The following GLG1 variants were observed in gnomAD, a reference collection of about 807,000 sequenced individuals.
The protein encoded by GLG1 is golgi glycoprotein 1.
A neutral mutation model predicts 160.5 loss-of-function variants in GLG1; 38 were observed. The observed-to-expected ratio is 0.24, with a 90% CI of 0.18 to 0.31. GLG1 has a LOEUF of 0.31. Ranked by LOEUF, GLG1 falls within the 10% of genes least tolerant of loss-of-function variation. The pLI is 1.00. For synonymous variants in GLG1, 644 were observed against 543.4 expected (o/e 1.19, Z -2.57); for missense variants, 1,373 against 1,505.2 (o/e 0.91, Z 1.45).
At position 74,579,597 on chromosome 16, in the gene GLG1, C is replaced by T. The variant is rs553236050; in HGVS notation, c.438+27060G>A. On this transcript the variant is annotated intron_variant, in intron 1 of 25. Transcript: ENST00000422840. ...GTTAGCCAGGTGTAGTGGCACACAC[C>T]TGTAGTCCCAGCTACTAGGGAGGCT... 5.9e-5 allele frequency among the ~76,000 whole-genome samples: 9 copies of T among 152,094 alleles called. No individual in the cohort carries two copies. In the East Asian group the frequency reaches 9.7e-4, roughly 16 times the overall value.
chr16:74,488,153 C>G (rs2015857667), intron 8 of GLG1, among the ~76,000 whole-genome samples: 1 of 151,982 alleles, frequency 6.6e-6, no homozygotes, highest in Non-Finnish European at 1.5e-5. Flanking sequence ...TGAGAAATCA[C>G]TAAATCAATC....
chr16:74,599,856 T>A (rs1480384445), intron 1 of GLG1, among the ~76,000 whole-genome samples: 2 of 149,746 alleles, frequency 1.3e-5, no homozygotes, highest in Non-Finnish European at 3.0e-5. Flanking sequence ...AGAGCTAGAC[T>A]CTGTCTCAAA....
intron 4 of GLG1, among the ~76,000 whole-genome samples, chr16:74,501,228 G>C (rs1164922037): frequency 2.0e-5 from 3 of 152,198 alleles, no homozygotes; most frequent in African/African-American, 7.2e-5. Flanking sequence ...AAATTTGGCT[G>C]TAGTACAGAG....
chr16:74,522,542 C>T (rs145839814), intron 2 of GLG1, among the ~76,000 whole-genome samples: 3 of 152,304 alleles, frequency 2.0e-5, no homozygotes, highest in Non-Finnish European at 4.4e-5. Flanking sequence ...AAGTATCTTA[C>T]ATATTTTTTT....
rs759855322 is a variant in GLG1, at chr16:74,457,567, C to T, written c.3265+307G>A. Among the ~76,000 whole-genome samples, 6 of 152,112 alleles carry T rather than the reference C, an allele frequency of 3.9e-5. 1 individual carries two copies. The highest frequency in any genetic ancestry group is 5.9e-5 in the Non-Finnish European group (4 of 68,018). ...TGAAGCTGGCTTCTAGTTTCGGCAC[C>T]AGGAAAAGGACCATGATGATGACTT... is the stretch of plus-strand genomic sequence containing the variant. On this transcript the variant is annotated intron_variant, in intron 24 of 25. Transcript: ENST00000422840.
At chr16:74,481,254 T>C (rs1197116694) in intron 10 of GLG1, among the ~76,000 whole-genome samples, 7 of 152,178 alleles carry the variant, frequency 4.6e-5, no homozygotes, top group Non-Finnish European at 1.0e-4. Context: ...TGAGTGTGCT[T>C]ATCAATTTAT....
At chr16:74,571,306 A>C (rs2018819926) in intron 1 of GLG1, among the ~76,000 whole-genome samples, 1 of 152,166 alleles carries the variant, frequency 6.6e-6, no homozygotes, top group Non-Finnish European at 1.5e-5. Flanking sequence ...CAGAGAGATA[A>C]GGGATCCCAT....
At chr16:74,460,557 A>C (rs916055718) in intron 22 of GLG1, among the ~76,000 whole-genome samples, 2 of 152,196 alleles carry the variant, frequency 1.3e-5, no homozygotes, top group South Asian at 2.1e-4. Context: ...GCTGTTTTAC[A>C]AGCCAGGGGC....
Position 74,509,137 on chromosome 16 carries a change from AT to A in GLG1, c.472-213del, listed in dbSNP as rs918818741. The stretch of plus-strand genomic sequence containing the variant: ...AATAAAAGGATGACTATTCAGATAT[AT>A]TTTTGTCGTTTTTACTAAAGGACAA... On this transcript the variant is annotated intron_variant, in intron 2 of 25. Coordinates refer to ENST00000422840, the MANE Select transcript of GLG1 (RefSeq NM_001145667.2). 1.5e-4 allele frequency among the ~76,000 whole-genome samples: 20 copies of A among 137,082 alleles called. No individual in the cohort carries two copies. In the East Asian group the frequency reaches 2.8e-3, roughly 19 times the overall value. The allele number at this position is 137,082 out of a possible 152,430, so 89.9% of individuals were successfully genotyped here. A position where few individuals can be genotyped will look rare whatever the true frequency, so the allele number is the denominator to read the frequency against.
In GLG1 at chr16:74,452,485, C is replaced by G; in HGVS notation, c.*682G>C. 3.8e-6 allele frequency: 4 copies of G among 1,052,954 alleles called. No individual in the cohort carries two copies. The highest frequency in any genetic ancestry group is 4.6e-6 in the Non-Finnish European group (4 of 869,002). The allele number at this position is 1,052,954 out of a possible 1,614,324, so 65.2% of individuals were successfully genotyped here. ...ATGAAGCGAGGAGACCACAGAAATACCCATGGCTGTGGGGCTGTGACCAGC... is the reference window on the plus strand; with the variant it reads ...ATGAAGCGAGGAGACCACAGAAATAGCCATGGCTGTGGGGCTGTGACCAGC... On this transcript the variant is annotated 3_prime_UTR_variant, in exon 26 of 26. Transcript: ENST00000422840.
rs375309913 is a variant in GLG1, at chr16:74,571,324, T to C, written c.438+35333A>G. 6.6e-5 allele frequency among the ~76,000 whole-genome samples: 10 copies of C among 152,336 alleles called. No individual in the cohort carries two copies. The East Asian group carries it at 1.7e-3, about 26-fold the overall frequency. On this transcript the variant is annotated intron_variant, in intron 1 of 25. Coordinates refer to ENST00000422840, the MANE Select transcript of GLG1 (RefSeq NM_001145667.2). ...AGAGATAAGGGATCCCATTGAGTAC[T>C]GCCCAAAAATCTGACCCACAGATTC... is the stretch of plus-strand genomic sequence containing the variant.
At chr16:74,573,329 A>G (rs970956115) in intron 1 of GLG1, among the ~76,000 whole-genome samples, 2 of 152,132 alleles carry the variant, frequency 1.3e-5, no homozygotes, top group Non-Finnish European at 2.9e-5. Context: ...ATCTGGGTAA[A>G]TATATTTTTT....
chr16:74,530,456 T>C (rs1287594779), intron 2 of GLG1, among the ~76,000 whole-genome samples: 1 of 152,160 alleles, frequency 6.6e-6, no homozygotes, highest in Non-Finnish European at 1.5e-5. Flanking sequence ...AACTTTGCCA[T>C]CCTAGTGTGA....
In GLG1 at chr16:74,452,465, G is replaced by T. The variant is rs1300349974; in HGVS notation, c.*702C>A. Reference sequence around the variant, plus strand: ...AAGGCTCATGCTTTGCTTCAATGAAGCGAGGAGACCACAGAAATACCCATG... The same window carrying T: ...AAGGCTCATGCTTTGCTTCAATGAATCGAGGAGACCACAGAAATACCCATG... On this transcript the variant is annotated 3_prime_UTR_variant, in exon 26 of 26. Transcript: ENST00000422840. The T allele has an allele frequency of 6.5e-6, 7 of 1,080,716 alleles. No individual in the cohort carries two copies. The East Asian group carries it at 1.9e-4, about 29-fold the overall frequency. 66.9% of individuals were successfully genotyped at this position (1,080,716 alleles called of 1,614,324 possible). A position where few individuals can be genotyped will look rare whatever the true frequency, so the allele number is the denominator to read the frequency against.
At chr16:74,571,381 C>T (rs1273108141) in intron 1 of GLG1, among the ~76,000 whole-genome samples, 4 of 152,112 alleles carry the variant, frequency 2.6e-5, no homozygotes, top group Admixed American at 6.6e-5. Flanking sequence ...GTTCTTGAGT[C>T]ATTAAGTTTG....
At chr16:74,571,576 C>T (rs1331572900) in intron 1 of GLG1, among the ~76,000 whole-genome samples, 1 of 151,714 alleles carries the variant, frequency 6.6e-6, no homozygotes, top group Non-Finnish European at 1.5e-5. Context: ...ATCGCTCGTA[C>T]CCAGGAGGCA....
intron 1 of GLG1, among the ~76,000 whole-genome samples, chr16:74,549,827 A>G (rs1217850150): frequency 6.6e-6 from 1 of 151,982 alleles, no homozygotes; most frequent in Non-Finnish European, 1.5e-5. Context: ...AACAACAGGA[A>G]AAGGGGCTGA....
At chr16:74,603,820 C>T (rs2143925092) in intron 1 of GLG1, among the ~76,000 whole-genome samples, 1 of 152,198 alleles carries the variant, frequency 6.6e-6, no homozygotes, top group East Asian at 1.9e-4. Context: ...TTCTGCCTTA[C>T]ACTTTCTAAT....
intron 1 of GLG1, among the ~76,000 whole-genome samples, chr16:74,594,515 T>G (rs1958256647): frequency 6.6e-6 from 1 of 152,216 alleles, no homozygotes. Context: ...TCTATTTTAA[T>G]GCAGATACAA....
Sources: allele counts gnomAD v4.1 joint callset (sites outside exome capture counted in the v4.1 genomes callset), GRCh38; gene constraint gnomAD v4.1.1; transcripts MANE v1.5; gene names NCBI Gene and HGNC (gene_info 2026-07-23, HGNC 2026-07-21).